Variants in BCKDHB observed in about 807,000 individuals in gnomAD.
The protein encoded by BCKDHB is branched chain keto acid dehydrogenase E1 subunit beta.
Under a neutral mutation model 48.5 loss-of-function variants are expected in BCKDHB, and 41 were observed. The ratio of observed to expected loss-of-function variants is 0.85; its 90% CI spans 0.66 to 1.10. The LOEUF (loss-of-function observed/expected upper bound fraction) is 1.10, where lower values mean the gene tolerates loss of function less well. BCKDHB is among the 50% of genes least tolerant of loss of function. The probability of loss-of-function intolerance (pLI) is 0.00; values close to 1 mark genes in which losing one functional copy is unlikely to be tolerated. For synonymous variants in BCKDHB, 201 were observed against 174.8 expected (o/e 1.15, Z -1.18); for missense variants, 496 against 494.2 (o/e 1.00, Z -0.03).
the BCKDHB span, among the ~76,000 whole-genome samples, chr6:80,385,760 C>T: frequency 6.6e-6 from 1 of 152,110 alleles, no homozygotes; most frequent in Non-Finnish European, 1.5e-5. Flanking sequence ...TGAGGAGGCG[C>T]ACAACACTGG....
chr6:80,434,077 C>T, the BCKDHB span, among the ~76,000 whole-genome samples: 2 of 152,052 alleles, frequency 1.3e-5, no homozygotes, highest in African/African-American at 4.8e-5. Context: ...CTTTTGAGCT[C>T]ACTTTGGATA....
At chr6:80,423,828 T>C in the BCKDHB span, among the ~76,000 whole-genome samples, 3 of 152,226 alleles carry the variant, frequency 2.0e-5, no homozygotes, top group Admixed American at 6.5e-5. Context: ...ACTGCTTGCC[T>C]CAGAAGATGT....
At chr6:80,267,800 T>A (rs949880049) in intron 8 of BCKDHB, among the ~76,000 whole-genome samples, 4 of 152,108 alleles carry the variant, frequency 2.6e-5, no homozygotes, top group Non-Finnish European at 5.9e-5. Flanking sequence ...TACAAAAATT[T>A]CCCAAATGTT....
the BCKDHB span, among the ~76,000 whole-genome samples, chr6:80,360,887 C>G: frequency 6.6e-6 from 1 of 151,596 alleles, no homozygotes; most frequent in African/African-American, 2.4e-5. Flanking sequence ...TGCCTGTAAT[C>G]CCAGCTACTC....
the BCKDHB span, among the ~76,000 whole-genome samples, chr6:80,400,709 C>G: frequency 2.1e-4 from 32 of 151,986 alleles, no homozygotes; most frequent in African/African-American, 7.7e-4. Flanking sequence ...AATCCTATAA[C>G]TGGGTACATA....
intron 1 of BCKDHB, among the ~76,000 whole-genome samples, chr6:80,110,668 A>G (rs1240254580): frequency 6.6e-6 from 1 of 152,200 alleles, no homozygotes; most frequent in African/African-American, 2.4e-5. Flanking sequence ...TAGGACTGAG[A>G]ACCATTTAGC....
the BCKDHB span, among the ~76,000 whole-genome samples, chr6:80,378,158 C>T: frequency 6.6e-6 from 1 of 152,070 alleles, no homozygotes; most frequent in Non-Finnish European, 1.5e-5. Context: ...GTACTATGTG[C>T]ATAATGGTTG....
the BCKDHB span, among the ~76,000 whole-genome samples, chr6:80,434,679 A>G: frequency 7.2e-5 from 11 of 152,082 alleles, no homozygotes; most frequent in Non-Finnish European, 1.6e-4. Context: ...TTTGTTTTCA[A>G]CAGAAGCTGC....
chr6:80,378,703 A>G, the BCKDHB span, among the ~76,000 whole-genome samples: 1 of 152,018 alleles, frequency 6.6e-6, no homozygotes, highest in Admixed American at 6.6e-5. Flanking sequence ...CTTCTTTGGG[A>G]TATCGCCATA....
the BCKDHB span, among the ~76,000 whole-genome samples, chr6:80,411,805 G>A: frequency 0.09 from 13,717 of 152,316 alleles, 689 homozygotes; most frequent in Non-Finnish European, 0.11. Flanking sequence ...TTTGCCGGTT[G>A]CTAAGACCAT....
the BCKDHB span, among the ~76,000 whole-genome samples, chr6:80,422,858 G>C: frequency 6.6e-6 from 1 of 152,122 alleles, no homozygotes; most frequent in Non-Finnish European, 1.5e-5. Flanking sequence ...TAGGTGGAAG[G>C]GACTTTGCTT....
the BCKDHB span, among the ~76,000 whole-genome samples, chr6:80,394,758 T>A: frequency 6.6e-6 from 1 of 152,200 alleles, no homozygotes; most frequent in Non-Finnish European, 1.5e-5. Context: ...GTCTAATCCC[T>A]GCCTGATATG....
chr6:80,289,714 G>A (rs569288592), intron 9 of BCKDHB, among the ~76,000 whole-genome samples: 3 of 152,256 alleles, frequency 2.0e-5, no homozygotes, highest in South Asian at 4.1e-4. Flanking sequence ...ACAGAACTCC[G>A]TGTCTCCCCT....
the BCKDHB span, among the ~76,000 whole-genome samples, chr6:80,450,002 G>T: frequency 1.7e-4 from 26 of 152,058 alleles, no homozygotes; most frequent in African/African-American, 6.3e-4. Context: ...ATGAACTCAT[G>T]GACTTTCATA....
chr6:80,328,729 G>T (rs558730345), intron 9 of BCKDHB, among the ~76,000 whole-genome samples: 1 of 152,172 alleles, frequency 6.6e-6, no homozygotes, highest in East Asian at 1.9e-4. Context: ...AAGTTGCTAG[G>T]TAGCAAAATT....
At chr6:80,399,155 A>G in the BCKDHB span, among the ~76,000 whole-genome samples, 1 of 152,152 alleles carries the variant, frequency 6.6e-6, no homozygotes, top group African/African-American at 2.4e-5. Context: ...ATCATACTCA[A>G]TGGACAAAAG....
At chr6:80,258,597 T>TC (rs1009793711) in intron 8 of BCKDHB, among the ~76,000 whole-genome samples, 1 of 152,084 alleles carries the variant, frequency 6.6e-6, no homozygotes, top group Non-Finnish European at 1.5e-5. Flanking sequence ...GCTCTGAGGC[T>TC]CCCCCAGGCA....
At chr6:80,222,558 G>C (rs1357353133) in intron 8 of BCKDHB, among the ~76,000 whole-genome samples, 1 of 152,086 alleles carries the variant, frequency 6.6e-6, no homozygotes, top group Non-Finnish European at 1.5e-5. Context: ...TGAGTTTACA[G>C]GTTTTTTTCT....
At chr6:80,142,326 C>T (rs755131345) in intron 3 of BCKDHB, among the ~76,000 whole-genome samples, 5 of 151,828 alleles carry the variant, frequency 3.3e-5, no homozygotes, top group Non-Finnish European at 7.4e-5. Context: ...TATGTTAATC[C>T]TAATATGAGT....
Sources: gnomAD v4.1 joint callset for allele counts (sites outside exome capture counted in the v4.1 genomes callset) on GRCh38, gnomAD v4.1.1 for gene constraint, MANE v1.5 for transcripts, NCBI Gene and HGNC (gene_info 2026-07-23, HGNC 2026-07-21) for gene names.